CATSPER1: variants seen among roughly 807,000 people sequenced by gnomAD.
CATSPER1 encodes the protein cation channel sperm-associated protein 1.
In CATSPER1, 57 loss-of-function variants were observed where a neutral mutation model predicts 72.7. The observed-to-expected ratio is 0.78, with a 90% CI of 0.63 to 0.98. CATSPER1 has a LOEUF of 0.98. Among genes scored for constraint, CATSPER1 ranks in the 50% least tolerant of loss-of-function variants. The pLI, the probability that CATSPER1 is intolerant of heterozygous loss-of-function variation, is 0.00. For missense variants in CATSPER1, 910 were observed against 1,033.9 expected, an observed-to-expected ratio of 0.88 and a Z score of 1.64; for synonymous variants, 363 against 403.0, an observed-to-expected ratio of 0.90 and a Z score of 1.19.
At chr11:66,023,654 G>C (rs1856427751) in intron 1 of CATSPER1, among the ~76,000 whole-genome samples, 3 of 151,856 alleles carry the variant, frequency 2.0e-5, no homozygotes. Context: ...AGACCAGCCT[G>C]GCCAGCAAAT....
At position 66,020,125 on chromosome 11, in the gene CATSPER1, G is replaced by T; in HGVS notation, c.2125+15C>A. On this transcript the variant is annotated intron_variant, in intron 9 of 11. Coordinates refer to ENST00000312106, the MANE Select transcript of CATSPER1 (RefSeq NM_053054.4). This position sits in a 1 kb window ranked among gnomAD's most constrained non-coding sequence, Gnocchi z 4.5. ...GCGGACGGGCAGGTGGGGCCAGGGCGGGCCAGGCCCATACCTGCAGCTCTG... is the reference window on the plus strand; with the variant it reads ...GCGGACGGGCAGGTGGGGCCAGGGCTGGCCAGGCCCATACCTGCAGCTCTG... 1 of 1,612,588 alleles carries T rather than the reference G, an allele frequency of 6.2e-7. No individual in the cohort carries two copies. The highest frequency in any genetic ancestry group is 1.1e-5 in the South Asian group (1 of 91,072).
chr11:66,021,548 C>G lies in CATSPER1; in HGVS notation c.1639G>C (p.Val547Leu). The change falls in exon 4 of 12, where the codon GTC (valine) becomes CTC (leucine). Residue 547 changes from valine to leucine, a missense_variant. Physicochemically the swap from Val to Leu is conservative, Grantham distance 32 (BLOSUM62 1). Transcript: ENST00000312106. ...YHQSLFRILK[V>L]FKSLRALRAI... ...CTCAGGGCCCGCAGGCTCTTGAAGA[C>G]CTTGAGGATCCGGAAGAGGCTTTGG... 1 of 1,613,880 alleles carries G rather than the reference C, an allele frequency of 6.2e-7. No homozygotes were observed. Among genetic ancestry groups the G allele is most frequent in the Non-Finnish European group, 8.5e-7 (1 of 1,179,964 alleles).
At position 66,020,967 on chromosome 11, in the gene CATSPER1, G is replaced by T; in HGVS notation, c.1784-13C>A. On this transcript the variant is annotated splice_polypyrimidine_tract_variant and intron_variant, in intron 5 of 11. Coordinates refer to ENST00000312106, the MANE Select transcript of CATSPER1 (RefSeq NM_053054.4). The surrounding 1 kb of genome is among the most constrained non-coding windows in gnomAD (Gnocchi z 4.5). Reference sequence around the variant, plus strand: ...GCGGAGAAGAGGACTGGCTGTTCAGGGCCAAACTCAGCTCTCCAGTGCTAT... The same window carrying T: ...GCGGAGAAGAGGACTGGCTGTTCAGTGCCAAACTCAGCTCTCCAGTGCTAT... 6.2e-7 allele frequency: 1 copy of T among 1,613,708 alleles called. No homozygotes were observed. Among genetic ancestry groups the T allele is most frequent in the Non-Finnish European group, 8.5e-7 (1 of 1,180,004 alleles).
In CATSPER1 at chr11:66,016,924, G is replaced by T; in HGVS notation, c.2317-8C>A. 2 of 1,614,066 alleles carry T rather than the reference G, an allele frequency of 1.2e-6. No homozygotes were observed. The highest frequency in any genetic ancestry group is 1.7e-6 in the Non-Finnish European group (2 of 1,179,972). The stretch of plus-strand genomic sequence containing the variant: ...GAAGTCCTCTTCTCCAGCCTGCAGG[G>T]GTGAGTGGGGCACTGGTGGGTGAAT... On this transcript the variant is annotated splice_polypyrimidine_tract_variant and splice_region_variant and intron_variant, in intron 11 of 11. Coordinates refer to ENST00000312106, the MANE Select transcript of CATSPER1 (RefSeq NM_053054.4).
chr11:66,021,712 G>A (rs901134861), intron 3 of CATSPER1, 54 bp downstream of exon 3: 31 of 1,612,376 alleles, frequency 1.9e-5, no homozygotes, highest in African/African-American at 1.5e-4. Flanking sequence ...TCCTTCTCTC[G>A]TCCCGAGCCT....
At position 66,020,092 on chromosome 11, in the gene CATSPER1, C is replaced by T. The variant is rs1165587389; in HGVS notation, c.2125+48G>A. On this transcript the variant is annotated intron_variant, in intron 9 of 11. Transcript: ENST00000312106. This position sits in a 1 kb window ranked among gnomAD's most constrained non-coding sequence, Gnocchi z 4.5. ...GAGGTTAGGGGGATGGAGAGACTGG[C>T]CCCCACTGCGGACGGGCAGGTGGGG... 3 of 1,587,512 alleles carry T rather than the reference C, an allele frequency of 1.9e-6. No individual in the cohort carries two copies. The highest frequency in any genetic ancestry group is 3.3e-5 in the Admixed American group (2 of 59,960).
rs544769163 is a variant in CATSPER1, at chr11:66,016,817, G to A, written c.*73C>T. 2 of 1,530,156 alleles carry A rather than the reference G, an allele frequency of 1.3e-6. No individual in the cohort carries two copies. Among genetic ancestry groups the A allele is most frequent in the East Asian group, 2.3e-5 (1 of 44,292 alleles). The allele number at this position is 1,530,156 out of a possible 1,614,324, so 94.8% of individuals were successfully genotyped here. ...CCCGGACAATCATTCCAGCAGATCT[G>A]GGGACCCGTCCCAGTGCACCCAGGT... is the stretch of plus-strand genomic sequence containing the variant. On this transcript the variant is annotated 3_prime_UTR_variant, in exon 12 of 12. Transcript: ENST00000312106.
chr11:66,022,557 T>C (rs564423318), intron 2 of CATSPER1, among the ~76,000 whole-genome samples: 1 of 152,108 alleles, frequency 6.6e-6, no homozygotes, highest in East Asian at 1.9e-4. Context: ...TCCGCGAAGC[T>C]CGGGCTCCAG....
In CATSPER1 at chr11:66,020,668, G is replaced by A. The variant is rs746174119; in HGVS notation, c.1928-41C>T. ...CAGAGGGCACAGTCAGGCTGTGCTCGCCACCCCCAACCACGACCTGCTCCC... is the reference window on the plus strand; with the variant it reads ...CAGAGGGCACAGTCAGGCTGTGCTCACCACCCCCAACCACGACCTGCTCCC... On this transcript the variant is annotated intron_variant, in intron 6 of 11. Coordinates refer to ENST00000312106, the MANE Select transcript of CATSPER1 (RefSeq NM_053054.4). The surrounding 1 kb of genome is among the most constrained non-coding windows in gnomAD (Gnocchi z 4.5). 9.4e-6 allele frequency: 15 copies of A among 1,597,610 alleles called. No homozygotes were observed. Among genetic ancestry groups the A allele is most frequent in the Middle Eastern group, 3.3e-4 (2 of 6,052 alleles).
rs760923006 is a variant in CATSPER1 at position 66,021,688 on chromosome 11, C to T, written c.1544-45G>A. ...GAGCCTGGCGGGCTCCCAACGCCAG[C>T]GCCCCCTTCCCCATCCTTCTCTCGT... On this transcript the variant is annotated intron_variant, in intron 3 of 11. Transcript: ENST00000312106. 9.9e-6 allele frequency: 16 copies of T among 1,609,774 alleles called. No individual in the cohort carries two copies. In the East Asian group the frequency reaches 2.9e-4, roughly 29 times the overall value.
At chr11:66,024,505 C>T (rs992502149) in intron 1 of CATSPER1, among the ~76,000 whole-genome samples, 3 of 152,108 alleles carry the variant, frequency 2.0e-5, no homozygotes, top group African/African-American at 7.2e-5. Context: ...GTCTTGAACT[C>T]CTGACCTCAA....
rs1203475319 is a variant in CATSPER1, at chr11:66,020,640, G to C, written c.1928-13C>G. ...ATGTACCAGGCGCCTAGGGGGAGCA[G>C]GCCAGAGGGCACAGTCAGGCTGTGC... is the stretch of plus-strand genomic sequence containing the variant. On this transcript the variant is annotated splice_polypyrimidine_tract_variant and intron_variant, in intron 6 of 11. Transcript: ENST00000312106. This position sits in a 1 kb window ranked among gnomAD's most constrained non-coding sequence, Gnocchi z 4.5. 1 of 1,610,736 alleles carries C rather than the reference G, an allele frequency of 6.2e-7. No individual in the cohort carries two copies. The highest frequency in any genetic ancestry group is 1.1e-5 in the South Asian group (1 of 90,542).
rs778364409 is a variant in CATSPER1 at position 66,020,328 on chromosome 11, C to G, written c.2053G>C (p.Ala685Pro). The change falls in exon 8 of 12, where the codon GCG becomes CCG. Residue 685 changes from alanine (A) to proline (P), a missense_variant. Coordinates refer to ENST00000312106, the MANE Select transcript of CATSPER1 (RefSeq NM_053054.4). This position sits in a 1 kb window ranked among gnomAD's most constrained non-coding sequence, Gnocchi z 4.5. The stretch of plus-strand genomic sequence containing the variant: ...ACCCCACTCGGTACCTCCTGCTTCG[C>G]TTTCTCAAGGCCTTTGAACAGCGCC... The part of the protein sequence containing the change: ...QTALFKGLEK[A>P]KQERAARIQE... 6.2e-6 allele frequency: 10 copies of G among 1,614,196 alleles called. No individual in the cohort carries two copies. The highest frequency in any genetic ancestry group is 1.6e-4 in the Middle Eastern group (1 of 6,062).
chr11:66,017,270 T>G, intron 10 of CATSPER1, 96 bp from the exon 11 acceptor site: 1 of 809,590 alleles, frequency 1.2e-6, no homozygotes, highest in Non-Finnish European at 2.0e-6. Context: ...TCTTCTTGCC[T>G]GCCTCCTCCC....
In CATSPER1 at chr11:66,026,054, C is replaced by A; in HGVS notation, c.326G>T (p.Arg109Leu). The A allele has an allele frequency of 6.2e-7, 1 of 1,613,820 alleles. No individual in the cohort carries two copies. The highest frequency in any genetic ancestry group is 2.2e-5 in the East Asian group (1 of 44,860). Residue 109 changes from arginine to leucine, a missense_variant, in exon 1 of 12, where the codon CGT becomes CTT. Coordinates refer to ENST00000312106, the MANE Select transcript of CATSPER1 (RefSeq NM_053054.4). ...APSQGAVPSHRSYGEDYHDEL... is the reference protein window; with the variant it reads ...APSQGAVPSHLSYGEDYHDEL... Reference sequence around the variant, plus strand: ...ATCATGGTAGTCCTCACCGTAGGAACGGTGGGAGGGGACGGCGCCTTGAGA... The same window carrying A: ...ATCATGGTAGTCCTCACCGTAGGAAAGGTGGGAGGGGACGGCGCCTTGAGA...
At chr11:66,021,232 G>A (rs1303574184) in intron 4 of CATSPER1, 47 bp from the exon 5 acceptor site, 1 of 1,554,588 alleles carries the variant, frequency 6.4e-7, no homozygotes. Context: ...AGGGGCGGGG[G>A]TGTGTGTCTC....
chr11:66,022,678 A>C (rs997839927), intron 2 of CATSPER1, among the ~76,000 whole-genome samples, 171 bp downstream of exon 2: 1 of 152,236 alleles, frequency 6.6e-6, no homozygotes, highest in Non-Finnish European at 1.5e-5. Context: ...GGCCGGCCTC[A>C]GCGGGGTCTT....
Position 66,025,936 on chromosome 11 carries a change from G to A in CATSPER1, c.444C>T (p.His148=). 2 of 1,613,844 alleles carry A rather than the reference G, an allele frequency of 1.2e-6. No homozygotes were observed. The highest frequency in any genetic ancestry group is 8.5e-7 in the Non-Finnish European group (1 of 1,179,944). ...QSDSHYHRGS[H]HGRPQYLGEN... ...CACCGAGATATTGGGGTCTGCCATGGTGAGACCCCCTATGGTAATGGGAGT... is the reference window on the plus strand; with the variant it reads ...CACCGAGATATTGGGGTCTGCCATGATGAGACCCCCTATGGTAATGGGAGT... The change falls in exon 1 of 12, where the codon CAC becomes CAT. Residue 148 remains histidine, a synonymous_variant. Coordinates refer to ENST00000312106, the MANE Select transcript of CATSPER1 (RefSeq NM_053054.4).
intron 11 of CATSPER1, 28 bp downstream of exon 11, chr11:66,017,032 G>A (rs141424306): frequency 6.2e-6 from 10 of 1,612,192 alleles, no homozygotes; most frequent in East Asian, 2.2e-5. Flanking sequence ...TCCCCTCGCC[G>A]GCCCCTTCCC....
Sources: gnomAD v4.1 joint callset for allele counts (sites outside exome capture counted in the v4.1 genomes callset) on GRCh38, gnomAD v4.1.1 for gene constraint, Gnocchi (gnomAD v3.1) non-coding constraint, MANE v1.5 for transcripts, NCBI Gene and HGNC (gene_info 2026-07-23, HGNC 2026-07-21) for gene names.